Variants in RCOR1 observed in about 807,000 individuals in gnomAD.
RCOR1 encodes REST corepressor.
A neutral mutation model predicts 64.0 loss-of-function variants in RCOR1; 12 were observed. That is an observed-to-expected ratio of 0.19 (90% CI 0.12 to 0.30). The LOEUF (loss-of-function observed/expected upper bound fraction) is 0.30. Ranked by LOEUF, RCOR1 falls within the 10% of genes least tolerant of loss-of-function variation. The pLI is 1.00. For synonymous variants in RCOR1, 279 were observed against 227.2 expected (o/e 1.23, Z -2.05); for missense variants, 502 against 621.2 (o/e 0.81, Z 2.04).
At chr14:102,618,371 G>A (rs773769561) in intron 2 of RCOR1, among the ~76,000 whole-genome samples, 10 of 151,996 alleles carry the variant, frequency 6.6e-5, no homozygotes, top group East Asian at 1.9e-4. Context: ...TAGGGAGGCC[G>A]AGGTGGGAGG....
intron 2 of RCOR1, among the ~76,000 whole-genome samples, chr14:102,677,404 C>T (rs1263987271): frequency 3.5e-5 from 5 of 141,990 alleles, no homozygotes; most frequent in Non-Finnish European, 6.1e-5. Flanking sequence ...ACTTCCCAGA[C>T]GGGGTGGCTG....
chr14:102,654,727 A>T (rs116256454), intron 2 of RCOR1, among the ~76,000 whole-genome samples: 13,723 of 151,278 alleles, frequency 0.091, 684 homozygotes, highest in Middle Eastern at 0.16. Flanking sequence ...AAAAATTTTT[A>T]AAAAAAGAAA....
At chr14:102,689,520 G>A (rs147064491) in intron 3 of RCOR1, among the ~76,000 whole-genome samples, 167 of 152,270 alleles carry the variant, frequency 1.1e-3, no homozygotes, top group Admixed American at 4.0e-3. Context: ...AATTTAGCAA[G>A]GTGACTTTTG....
intron 2 of RCOR1, among the ~76,000 whole-genome samples, chr14:102,668,175 C>A (rs950326438): frequency 1.3e-5 from 2 of 152,166 alleles, no homozygotes; most frequent in African/African-American, 4.8e-5. Flanking sequence ...ACATCACATC[C>A]TCTCTTCTGT....
intron 11 of RCOR1, among the ~76,000 whole-genome samples, chr14:102,724,394 G>C (rs920399254): frequency 6.6e-6 from 1 of 151,290 alleles, no homozygotes; most frequent in Non-Finnish European, 1.5e-5. Flanking sequence ...GCTCAATCTC[G>C]GCTCACTGCA....
At position 102,595,996 on chromosome 14, in the gene RCOR1, G is replaced by A. The variant is rs779660023; in HGVS notation, c.361+2671G>A. 7.2e-5 allele frequency among the ~76,000 whole-genome samples: 11 copies of A among 152,142 alleles called. 1 individual carries two copies. Among genetic ancestry groups the A allele is most frequent in the South Asian group, 4.1e-4 (2 of 4,826 alleles). ...GGGACACAGTTTTCTAGATATGGCA[G>A]AAAATTGAGACTTTACTATTTCCTA... On this transcript the variant is annotated intron_variant, in intron 2 of 11. Transcript: ENST00000262241.
intron 3 of RCOR1, among the ~76,000 whole-genome samples, chr14:102,692,154 A>G (rs1895546168): frequency 6.6e-6 from 1 of 152,210 alleles, no homozygotes; most frequent in Non-Finnish European, 1.5e-5. Flanking sequence ...GTGTTATGAA[A>G]CAAATATTCC....
chr14:102,608,823 C>T (rs140108454), intron 2 of RCOR1, among the ~76,000 whole-genome samples: 1 of 151,878 alleles, frequency 6.6e-6, no homozygotes, highest in South Asian at 2.1e-4. Context: ...CCTCAGCCTC[C>T]CAAAATGCTG....
intron 3 of RCOR1, among the ~76,000 whole-genome samples, chr14:102,685,925 TA>T (rs573656546): frequency 2.0e-4 from 30 of 150,498 alleles, no homozygotes; most frequent in African/African-American, 6.3e-4. Flanking sequence ...TCCCCTCTAT[TA>T]AAAAAAAACG....
chr14:102,619,473 C>CTTTTTTTT (rs35488660), intron 2 of RCOR1, among the ~76,000 whole-genome samples: 3 of 131,180 alleles, frequency 2.3e-5, no homozygotes, highest in Non-Finnish European at 3.2e-5. Context: ...TCTATCTAAT[C>CTTTTTTTT]TTTTTTTTTT....
At chr14:102,670,976 G>T (rs1227431615) in intron 2 of RCOR1, among the ~76,000 whole-genome samples, 2 of 152,070 alleles carry the variant, frequency 1.3e-5, no homozygotes, top group South Asian at 4.2e-4. Flanking sequence ...GTTTCACCAT[G>T]TTGGCCAGGC....
intron 2 of RCOR1, among the ~76,000 whole-genome samples, chr14:102,671,873 G>A (rs1895038057): frequency 6.6e-6 from 1 of 152,140 alleles, no homozygotes; most frequent in African/African-American, 2.4e-5. Flanking sequence ...ACAGCCTCTG[G>A]CAATCACTAA....
At chr14:102,669,461 G>A (rs1324279848) in intron 2 of RCOR1, among the ~76,000 whole-genome samples, 1 of 152,136 alleles carries the variant, frequency 6.6e-6, no homozygotes, top group Non-Finnish European at 1.5e-5. Context: ...GGATATCATG[G>A]GGAGGAAAAA....
chr14:102,703,775 G>A (rs928485969), intron 4 of RCOR1, among the ~76,000 whole-genome samples: 50 of 152,180 alleles, frequency 3.3e-4, no homozygotes, highest in African/African-American at 1.2e-3. Flanking sequence ...AAAAGTTCCT[G>A]GGGATGAAGA....
intron 2 of RCOR1, chr14:102,643,246 T>C: frequency 1.9e-6 from 1 of 517,876 alleles, no homozygotes; most frequent in Non-Finnish European, 2.5e-6. Context: ...ATCATGCCAC[T>C]GCACTCCAGC....
intron 3 of RCOR1, among the ~76,000 whole-genome samples, chr14:102,700,575 T>C (rs145754819): frequency 6.9e-4 from 105 of 152,284 alleles, no homozygotes; most frequent in Non-Finnish European, 9.7e-4. Context: ...CACTATGTTA[T>C]CCAGGCTAAT....
At chr14:102,719,393 C>G (rs1452065429) in intron 8 of RCOR1, among the ~76,000 whole-genome samples, 1 of 152,158 alleles carries the variant, frequency 6.6e-6, no homozygotes, top group Admixed American at 6.5e-5. Flanking sequence ...TGCTATCCCT[C>G]CCCACTCCCC....
chr14:102,631,811 C>A (rs1269757024), intron 2 of RCOR1, among the ~76,000 whole-genome samples: 1 of 151,472 alleles, frequency 6.6e-6, no homozygotes, highest in Non-Finnish European at 1.5e-5. Context: ...TTTTTCTTTT[C>A]TTTTTTTGAG....
chr14:102,620,361 A>G lies in RCOR1; in HGVS notation c.361+27036A>G, dbSNP rs75106787. On this transcript the variant is annotated intron_variant, in intron 2 of 11. Transcript: ENST00000262241. ...GGCAGGCAGATCACATGAGGTCGGGAGTTCAATACCAGCCTGACCAACATG... is the reference window on the plus strand; with the variant it reads ...GGCAGGCAGATCACATGAGGTCGGGGGTTCAATACCAGCCTGACCAACATG... 1.0e-2 allele frequency among the ~76,000 whole-genome samples: 1,494 copies of G among 149,872 alleles called. 24 individuals are homozygous for G. The highest frequency in any genetic ancestry group is 0.035 in the African/African-American group (1,425 of 41,290).
Sources: gnomAD v4.1 joint callset for allele counts (sites outside exome capture counted in the v4.1 genomes callset) on GRCh38, gnomAD v4.1.1 for gene constraint, MANE v1.5 for transcripts, NCBI Gene and HGNC (gene_info 2026-07-23, HGNC 2026-07-21) for gene names.